Variants in EDN3 observed in about 807,000 individuals in gnomAD.
EDN3 encodes the protein endothelin-3.
A neutral mutation model predicts 21.4 loss-of-function variants in EDN3; 9 were observed. That is an observed-to-expected ratio of 0.42 (90% CI 0.25 to 0.73). EDN3 has a LOEUF of 0.73. EDN3 is among the 30% of genes least tolerant of loss of function. EDN3 has a pLI of 0.26. For missense variants in EDN3, 327 were observed against 309.4 expected, an observed-to-expected ratio of 1.06 and a Z score of -0.43; for synonymous variants, 133 against 126.2, an observed-to-expected ratio of 1.05 and a Z score of -0.36.
chr20:59,303,206 G>A (rs1028925706), intron 2 of EDN3, among the ~76,000 whole-genome samples: 15 of 152,328 alleles, frequency 9.8e-5, no homozygotes, highest in South Asian at 4.1e-4. Flanking sequence ...GTAGCTGGTC[G>A]TGATACCCTG....
chr20:59,300,759 C>G lies in EDN3; in HGVS notation c.-54C>G. 5 of 1,577,734 alleles carry G rather than the reference C, an allele frequency of 3.2e-6. No individual in the cohort carries two copies. The highest frequency in any genetic ancestry group is 4.3e-6 in the Non-Finnish European group (5 of 1,162,274). ...TGTACCCGGCCCCAGTGCCCTTTCGCGGCCACAAGCGGCCGTCCTCCTGGT... is the reference window on the plus strand; with the variant it reads ...TGTACCCGGCCCCAGTGCCCTTTCGGGGCCACAAGCGGCCGTCCTCCTGGT... On this transcript the variant is annotated 5_prime_UTR_variant, in exon 1 of 5. Transcript: ENST00000337938.
Position 59,324,602 on chromosome 20 carries a change from C to A in EDN3, c.*143C>A, listed in dbSNP as rs71321536. ...AAAGAGTCCCCACTTAACAATACCC[C>A]CCCCCCACGGCAAGAATGCCCAAAT... On this transcript the variant is annotated 3_prime_UTR_variant, in exon 5 of 5. Transcript: ENST00000337938. The A allele has an allele frequency of 8.3e-4, 923 of 1,107,210 alleles. 4 individuals carry two copies. Among genetic ancestry groups the A allele is most frequent in the South Asian group, 1.5e-3 (112 of 73,024 alleles). The allele number at this position is 1,107,210 out of a possible 1,614,324, so 68.6% of individuals were successfully genotyped here.
At position 59,324,603 on chromosome 20, in the gene EDN3, C is replaced by G. The variant is rs886056880; in HGVS notation, c.*144C>G. On this transcript the variant is annotated 3_prime_UTR_variant, in exon 5 of 5. Coordinates refer to ENST00000337938, the MANE Select transcript of EDN3 (RefSeq NM_207034.3). ...AAGAGTCCCCACTTAACAATACCCC[C>G]CCCCCACGGCAAGAATGCCCAAATC... 19 of 1,101,926 alleles carry G rather than the reference C, an allele frequency of 1.7e-5. No individual in the cohort carries two copies. In the Admixed American group the frequency reaches 2.1e-4, roughly 12 times the overall value. 68.3% of individuals were successfully genotyped at this position (1,101,926 alleles called of 1,614,324 possible).
Position 59,322,241 on chromosome 20 carries a change from C to G in EDN3, c.543-131C>G. ...GAGTGCTCAGCCTTCAGAAACTGTGCCTGAGACGCAGTCCTTGGGGAACGC... is the reference window on the plus strand; with the variant it reads ...GAGTGCTCAGCCTTCAGAAACTGTGGCTGAGACGCAGTCCTTGGGGAACGC... On this transcript the variant is annotated intron_variant, in intron 3 of 4. Transcript: ENST00000337938. The surrounding 1 kb of genome is among the most constrained non-coding windows in gnomAD (Gnocchi z 4.1). 5 of 975,162 alleles carry G rather than the reference C, an allele frequency of 5.1e-6. No individual in the cohort carries two copies. The allele number at this position is 975,162 out of a possible 1,614,324, so 60.4% of individuals were successfully genotyped here.
At position 59,322,799 on chromosome 20, in the gene EDN3, C is replaced by T. The variant is rs1990631943; in HGVS notation, c.588+382C>T. 6.6e-6 allele frequency among the ~76,000 whole-genome samples: 1 copy of T among 152,246 alleles called. No individual in the cohort carries two copies. Among genetic ancestry groups the T allele is most frequent in the African/African-American group, 2.4e-5 (1 of 41,458 alleles). On this transcript the variant is annotated intron_variant, in intron 4 of 4. Transcript: ENST00000337938. This position sits in a 1 kb window ranked among gnomAD's most constrained non-coding sequence, Gnocchi z 4.1. Reference sequence around the variant, plus strand: ...TGCTCTGCCCAGACCCACACTTCGCCTCTGCTTCCTTAGCAACATGTGGTC... The same window carrying T: ...TGCTCTGCCCAGACCCACACTTCGCTTCTGCTTCCTTAGCAACATGTGGTC...
chr20:59,317,900 C>T (rs961438600), intron 2 of EDN3, among the ~76,000 whole-genome samples: 5 of 152,190 alleles, frequency 3.3e-5, no homozygotes, highest in African/African-American at 1.2e-4. Flanking sequence ...AAAAGACCTG[C>T]CCTCTCTTTT....
rs1989330678 is a variant in EDN3 at position 59,305,309 on chromosome 20, A to G, written c.365+3587A>G. Reference sequence around the variant, plus strand: ...AACATATCCCATCCTATTGTCATGGATAAGTTGCCAAGAATAAGATAGTAA... The same window carrying G: ...AACATATCCCATCCTATTGTCATGGGTAAGTTGCCAAGAATAAGATAGTAA... On this transcript the variant is annotated intron_variant, in intron 2 of 4. Coordinates refer to ENST00000337938, the MANE Select transcript of EDN3 (RefSeq NM_207034.3). The surrounding 1 kb of genome is among the most constrained non-coding windows in gnomAD (Gnocchi z 4.2). Among the ~76,000 whole-genome samples the G allele has an allele frequency of 6.6e-6, 1 of 152,196 alleles. No homozygotes were observed. The highest frequency in any genetic ancestry group is 2.4e-5 in the African/African-American group (1 of 41,438).
intron 2 of EDN3, among the ~76,000 whole-genome samples, chr20:59,313,497 T>C (rs1989968716): frequency 6.6e-6 from 1 of 152,232 alleles, no homozygotes; most frequent in Non-Finnish European, 1.5e-5. Flanking sequence ...AGCCAAGTCC[T>C]GGGTAAATCC....
At chr20:59,310,033 G>A (rs547483450) in intron 2 of EDN3, among the ~76,000 whole-genome samples, 34 of 152,312 alleles carry the variant, frequency 2.2e-4, no homozygotes, top group Admixed American at 2.0e-3. Context: ...ATTACAGTGA[G>A]GAACTTGGCC....
chr20:59,313,949 A>T (rs1000480710), intron 2 of EDN3, among the ~76,000 whole-genome samples: 1 of 152,232 alleles, frequency 6.6e-6, no homozygotes, highest in Non-Finnish European at 1.5e-5. Flanking sequence ...AGACTTTCAT[A>T]AGCATTTGAT....
chr20:59,320,555 C>T (rs1200136526), intron 2 of EDN3, among the ~76,000 whole-genome samples: 2 of 152,240 alleles, frequency 1.3e-5, no homozygotes, highest in Non-Finnish European at 2.9e-5. Context: ...GATGGTACTT[C>T]CAGAGCCGAG....
In EDN3 at chr20:59,301,461, A is replaced by C. The variant is rs754287022; in HGVS notation, c.104A>C (p.Gln35Pro). The change falls in exon 2 of 5, where the codon CAG (glutamine) becomes CCG (proline). Residue 35 changes from glutamine to proline, a missense_variant. Coordinates refer to ENST00000337938, the MANE Select transcript of EDN3 (RefSeq NM_207034.3). ...GATGCTGGCAGGCGCGGCGTGTCCC[A>C]GGCCCCCACTGCAGCCAGATCTGAG... is the stretch of plus-strand genomic sequence containing the variant. ...SGDAGRRGVS[Q>P]APTAARSEGD... is the part of the protein sequence containing the mutation. 3 of 1,613,208 alleles carry C rather than the reference A, an allele frequency of 1.9e-6. No homozygotes were observed. Among genetic ancestry groups the C allele is most frequent in the East Asian group, 2.2e-5 (1 of 44,878 alleles).
At position 59,322,248 on chromosome 20, in the gene EDN3, C is replaced by A; in HGVS notation, c.543-124C>A. On this transcript the variant is annotated intron_variant, in intron 3 of 4. Transcript: ENST00000337938. The surrounding 1 kb of genome is among the most constrained non-coding windows in gnomAD (Gnocchi z 4.1). ...CAGCCTTCAGAAACTGTGCCTGAGA[C>A]GCAGTCCTTGGGGAACGCACTAATG... The A allele has an allele frequency of 9.4e-7, 1 of 1,061,716 alleles. No individual in the cohort carries two copies. The highest frequency in any genetic ancestry group is 1.4e-6 in the Non-Finnish European group (1 of 690,570). 65.8% of individuals were successfully genotyped at this position (1,061,716 alleles called of 1,614,324 possible). A position where few individuals can be genotyped will look rare whatever the true frequency, so the allele number is the denominator to read the frequency against.
In EDN3 at chr20:59,324,381, A is replaced by T. The variant is rs1990723362; in HGVS notation, c.639A>T (p.Pro213=). ...QSKQALDLHH[P]KLMPGSGLAL... is the part of the protein sequence containing the mutation. Reference sequence around the variant, plus strand: ...AGCAGGCTTTAGACCTCCACCATCCAAAGCTCATGCCCGGCAGTGGACTCG... The same window carrying T: ...AGCAGGCTTTAGACCTCCACCATCCTAAGCTCATGCCCGGCAGTGGACTCG... The change falls in exon 5 of 5, where the codon CCA becomes CCT. Residue 213 remains proline, a synonymous_variant. Transcript: ENST00000337938. 6.2e-7 allele frequency: 1 copy of T among 1,614,086 alleles called. No individual in the cohort carries two copies. The highest frequency in any genetic ancestry group is 2.2e-5 in the East Asian group (1 of 44,876).
chr20:59,306,846 C>T (rs11570280), intron 2 of EDN3, among the ~76,000 whole-genome samples: 4 of 152,174 alleles, frequency 2.6e-5, no homozygotes, highest in South Asian at 2.1e-4. Context: ...TTTGGGATCC[C>T]GATAAAAGTC....
chr20:59,306,595 T>TAAAAAAAAAGAAAAAAAAAAAAAAA (rs1989434717), intron 2 of EDN3, among the ~76,000 whole-genome samples: 1 of 62,454 alleles, frequency 1.6e-5, no homozygotes, highest in African/African-American at 8.3e-5. Flanking sequence ...GCATAAAGAG[T>TAAAAAAAAAGAAAAAAAAAAAAAAA]AAAAAAAAAA....
intron 1 of EDN3, 35 bp from the exon 2 acceptor site, chr20:59,301,375 C>T (rs1394654855): frequency 1.9e-6 from 3 of 1,600,550 alleles, no homozygotes; most frequent in South Asian, 1.1e-5. Context: ...GGTCTGCACA[C>T]TCAGCTTAGG....
rs374099207 is a variant in EDN3, at chr20:59,311,286, C to T, written c.365+9564C>T. Among the ~76,000 whole-genome samples, 7 of 151,968 alleles carry T rather than the reference C, an allele frequency of 4.6e-5. No homozygotes were observed. In the East Asian group the frequency reaches 5.8e-4, roughly 13 times the overall value. On this transcript the variant is annotated intron_variant, in intron 2 of 4. Coordinates refer to ENST00000337938, the MANE Select transcript of EDN3 (RefSeq NM_207034.3). ...ACCCCAAGAGAGGGTTCTTGCACCT[C>T]GAGCAAGAAAGAATTCAAGGCAAGT...
At chr20:59,317,017 C>A (rs1284224105) in intron 2 of EDN3, among the ~76,000 whole-genome samples, 1 of 152,202 alleles carries the variant, frequency 6.6e-6, no homozygotes, top group South Asian at 2.1e-4. Flanking sequence ...ATTCTGAAAA[C>A]CCCGTTGTAT....
Sources: gnomAD v4.1 joint callset for allele counts (sites outside exome capture counted in the v4.1 genomes callset) on GRCh38, gnomAD v4.1.1 for gene constraint, Gnocchi (gnomAD v3.1) non-coding constraint, MANE v1.5 for transcripts, NCBI Gene and HGNC (gene_info 2026-07-23, HGNC 2026-07-21) for gene names.